Variants in PAFAH1B1 observed in about 807,000 individuals in gnomAD.
PAFAH1B1 encodes the protein platelet activating factor acetylhydrolase 1b regulatory subunit 1.
In PAFAH1B1, 2 loss-of-function variants were observed where a neutral mutation model predicts 57.5. That is an observed-to-expected ratio of 0.03 (90% confidence interval 0.01 to 0.11). The LOEUF (loss-of-function observed/expected upper bound fraction) is 0.11. Among genes scored for constraint, PAFAH1B1 ranks in the 10% least tolerant of loss-of-function variants. The pLI, the probability that PAFAH1B1 is intolerant of heterozygous loss-of-function variation, is 1.00. For missense variants in PAFAH1B1, 257 were observed against 512.0 expected (o/e 0.50, Z 4.81); for synonymous variants, 152 against 169.6 (o/e 0.90, Z 0.81).
intron 1 of PAFAH1B1, among the ~76,000 whole-genome samples, chr17:2,615,870 G>A (rs1227009307): frequency 6.6e-6 from 1 of 152,020 alleles, no homozygotes; most frequent in African/African-American, 2.4e-5. Flanking sequence ...GATGCACCCA[G>A]GAGGTGATAA....
At chr17:2,609,727 G>A (rs747686272) in intron 1 of PAFAH1B1, among the ~76,000 whole-genome samples, 1 of 151,610 alleles carries the variant, frequency 6.6e-6, no homozygotes. Flanking sequence ...GGCCAGGCTG[G>A]TCTCGAACTC....
chr17:2,638,930 C>T (rs376902322), intron 2 of PAFAH1B1, among the ~76,000 whole-genome samples: 1 of 146,036 alleles, frequency 6.8e-6, no homozygotes, highest in Non-Finnish European at 1.5e-5. Context: ...GATGGACTCT[C>T]GTTCTGTCAC....
chr17:2,677,876 TAAAAA>T (rs2069296803), intron 9 of PAFAH1B1, among the ~76,000 whole-genome samples: 1 of 151,080 alleles, frequency 6.6e-6, no homozygotes, highest in African/African-American at 2.4e-5. Context: ...AATAAATAAA[TAAAAA>T]GAAAATGAAA....
Position 2,593,931 on chromosome 17 carries a change from T to TCCCTCC in PAFAH1B1, c.-256_-251dup, listed in dbSNP as rs1369643760. 2 of 120,878 alleles carry TCCCTCC rather than the reference T, an allele frequency of 1.7e-5. No homozygotes were observed. The highest frequency in any genetic ancestry group is 3.3e-5 in the Non-Finnish European group (2 of 60,306). 7.5% of individuals were successfully genotyped at this position (120,878 alleles called of 1,614,324 possible). A position where few individuals can be genotyped will look rare whatever the true frequency, so the allele number is the denominator to read the frequency against. ...CCCTCCCTCCTTCCTCCCTCCCCTC[T>TCCCTCC]CCCTCCCCCTCCCCCGCCGGTGGAT... On this transcript the variant is annotated 5_prime_UTR_variant, in exon 1 of 11. Transcript: ENST00000397195.
chr17:2,651,920 C>T (rs892410038), intron 2 of PAFAH1B1, among the ~76,000 whole-genome samples: 3 of 152,242 alleles, frequency 2.0e-5, no homozygotes, highest in South Asian at 2.1e-4. Context: ...TTGACAAATG[C>T]CTAATGTTAT....
At chr17:2,661,206 C>G (rs1391402311) in intron 2 of PAFAH1B1, among the ~76,000 whole-genome samples, 1 of 152,072 alleles carries the variant, frequency 6.6e-6, no homozygotes, top group African/African-American at 2.4e-5. Flanking sequence ...GCTTTTGATG[C>G]AGTTGCTTTT....
chr17:2,664,094 T>C (rs1388100770), intron 2 of PAFAH1B1, among the ~76,000 whole-genome samples: 2 of 152,192 alleles, frequency 1.3e-5, no homozygotes, highest in African/African-American at 4.8e-5. Context: ...CTGTAATTAT[T>C]ATACGTTGAT....
chr17:2,605,816 T>G (rs894011820), intron 1 of PAFAH1B1, among the ~76,000 whole-genome samples: 2 of 152,216 alleles, frequency 1.3e-5, no homozygotes, highest in African/African-American at 4.8e-5. Context: ...TTAAAGAGCC[T>G]AGGAATGGTA....
At chr17:2,650,655 A>T (rs1281350111) in intron 2 of PAFAH1B1, among the ~76,000 whole-genome samples, 1 of 151,330 alleles carries the variant, frequency 6.6e-6, no homozygotes, top group Non-Finnish European at 1.5e-5. Flanking sequence ...AAAAAAAAAA[A>T]AAAAAGGAAG....
intron 1 of PAFAH1B1, among the ~76,000 whole-genome samples, chr17:2,601,346 G>C (rs943557629): frequency 1.3e-5 from 2 of 151,924 alleles, no homozygotes; most frequent in Non-Finnish European, 2.9e-5. Context: ...TGTTGGCCAG[G>C]CTGGTCTCGA....
chr17:2,667,065 G>A lies in PAFAH1B1; in HGVS notation c.266G>A (p.Arg89Gln). Residue 89 changes from arginine (R) to glutamine (Q), a missense_variant, in exon 5 of 11, where the codon CGA (arginine) becomes CAA (glutamine). Transcript: ENST00000397195. Reference sequence around the variant, plus strand: ...TCAGGTGGACCTCTTGGTCAGAAACGAGACCCAAAAGAATGGATTCCCCGT... The same window carrying A: ...TCAGGTGGACCTCTTGGTCAGAAACAAGACCCAAAAGAATGGATTCCCCGT... ...FTSGGPLGQKRDPKEWIPRPP... is the reference protein window; with the variant it reads ...FTSGGPLGQKQDPKEWIPRPP... The A allele has an allele frequency of 1.9e-6, 3 of 1,613,910 alleles. No individual in the cohort carries two copies. Among genetic ancestry groups the A allele is most frequent in the South Asian group, 1.1e-5 (1 of 91,072 alleles).
Position 2,682,590 on chromosome 17 carries a change from A to G in PAFAH1B1, c.*788A>G, listed in dbSNP as rs1567564922. 1 of 152,650 alleles carries G rather than the reference A, an allele frequency of 6.6e-6. No homozygotes were observed. The highest frequency in any genetic ancestry group is 6.5e-5 in the Admixed American group (1 of 15,274). The allele number at this position is 152,650 out of a possible 1,614,324, so 9.5% of individuals were successfully genotyped here. On this transcript the variant is annotated 3_prime_UTR_variant, in exon 11 of 11. Coordinates refer to ENST00000397195, the MANE Select transcript of PAFAH1B1 (RefSeq NM_000430.4). ...GGACATACTTCTAGTTGTATTCTCC[A>G]TACTATTAGACTGTGTAGTGATGTG...
rs141198685 is a variant in PAFAH1B1 at position 2,618,535 on chromosome 17, T to A, written c.-190-19564T>A. Among the ~76,000 whole-genome samples, 3 of 152,232 alleles carry A rather than the reference T, an allele frequency of 2.0e-5. No homozygotes were observed. In the East Asian group the frequency reaches 5.8e-4, roughly 29 times the overall value. On this transcript the variant is annotated intron_variant, in intron 1 of 10. Coordinates refer to ENST00000397195, the MANE Select transcript of PAFAH1B1 (RefSeq NM_000430.4). ...TCATGGATTTAGCTAAAGACTGGAG[T>A]CTTTTTCAGATACGTGATGCAATGA...
At chr17:2,623,319 G>T (rs2068448073) in intron 1 of PAFAH1B1, among the ~76,000 whole-genome samples, 1 of 145,876 alleles carries the variant, frequency 6.9e-6, no homozygotes, top group Admixed American at 7.0e-5. Flanking sequence ...GCCCGGGCTG[G>T]AGTGCAGTGG....
At chr17:2,624,427 G>A (rs2151625304) in intron 1 of PAFAH1B1, among the ~76,000 whole-genome samples, 1 of 152,216 alleles carries the variant, frequency 6.6e-6, no homozygotes, top group South Asian at 2.1e-4. Context: ...ACCCGAAACT[G>A]GGAACAAGAA....
At chr17:2,680,526 A>G (rs1421593141) in intron 10 of PAFAH1B1, among the ~76,000 whole-genome samples, 1 of 152,214 alleles carries the variant, frequency 6.6e-6, no homozygotes, top group African/African-American at 2.4e-5. Flanking sequence ...CCTTATAATA[A>G]AAACATTACT....
intron 2 of PAFAH1B1, among the ~76,000 whole-genome samples, chr17:2,663,967 A>T (rs1426790906): frequency 6.6e-6 from 1 of 152,066 alleles, no homozygotes; most frequent in Non-Finnish European, 1.5e-5. Context: ...TGCTGAGATT[A>T]CAGGCGTGAG....
intron 1 of PAFAH1B1, among the ~76,000 whole-genome samples, chr17:2,635,891 A>G (rs2068616435): frequency 6.6e-6 from 1 of 150,864 alleles, no homozygotes. Context: ...GCTTCAGTTC[A>G]GAAATTTGAG....
At chr17:2,615,278 G>T (rs1368743698) in intron 1 of PAFAH1B1, among the ~76,000 whole-genome samples, 8 of 152,078 alleles carry the variant, frequency 5.3e-5, no homozygotes, top group Admixed American at 3.9e-4. Flanking sequence ...TATCCGGGGG[G>T]TCCTGGAATG....
Sources: gnomAD v4.1 joint callset for allele counts (sites outside exome capture counted in the v4.1 genomes callset) on GRCh38, gnomAD v4.1.1 for gene constraint, MANE v1.5 for transcripts, NCBI Gene and HGNC (gene_info 2026-07-23, HGNC 2026-07-21) for gene names.